Variants in RBFOX1 observed in about 807,000 individuals in gnomAD.
RBFOX1 encodes RNA binding protein fox-1 homolog 1.
RBFOX1 carries 8 observed loss-of-function variants against 57.7 expected under a neutral mutation model. That is an observed-to-expected ratio of 0.14 (90% confidence interval 0.08 to 0.25). RBFOX1 has a LOEUF of 0.25. Among genes scored for constraint, RBFOX1 ranks in the 10% least tolerant of loss-of-function variants. The pLI, the probability that RBFOX1 is intolerant of heterozygous loss-of-function variation, is 1.00. For missense variants in RBFOX1, 611 were observed against 548.5 expected (o/e 1.11, Z -1.14); for synonymous variants, 326 against 222.4 (o/e 1.47, Z -4.15).
At chr16:5,447,378 A>ATCTCTC (rs71142623) in intron 1 of RBFOX1, among the ~76,000 whole-genome samples, 5,214 of 134,372 alleles carry the variant, frequency 0.039, 197 homozygotes, top group Non-Finnish European at 0.041. Flanking sequence ...CAATCAATCA[A>ATCTCTC]TCTCTCTCTC....
chr16:7,209,641 T>G (rs1452970226), intron 4 of RBFOX1, among the ~76,000 whole-genome samples: 1 of 152,206 alleles, frequency 6.6e-6, no homozygotes, highest in Non-Finnish European at 1.5e-5. Context: ...TTTTTCCTTT[T>G]TGAGCACTTA....
At chr16:5,466,084 G>T (rs1184387443) in intron 1 of RBFOX1, among the ~76,000 whole-genome samples, 2 of 152,232 alleles carry the variant, frequency 1.3e-5, no homozygotes, top group African/African-American at 2.4e-5. Context: ...AAGAAAAAAG[G>T]GAGTTATGGT....
At chr16:5,457,538 G>A (rs1402697789) in intron 1 of RBFOX1, among the ~76,000 whole-genome samples, 1 of 152,166 alleles carries the variant, frequency 6.6e-6, no homozygotes, top group Non-Finnish European at 1.5e-5. Flanking sequence ...ATCACATTGA[G>A]GATTAGGGCT....
intron 9 of RBFOX1, among the ~76,000 whole-genome samples, chr16:7,606,593 C>A (rs1232341876): frequency 6.6e-6 from 1 of 152,118 alleles, no homozygotes; most frequent in Non-Finnish European, 1.5e-5. Context: ...GTAAAGATTT[C>A]TAAAGGGTCA....
rs911666172 is a variant in RBFOX1, at chr16:6,774,104, C to A, written c.-16+119454C>A. On this transcript the variant is annotated intron_variant, in intron 3 of 15. Transcript: ENST00000550418. ...TAGCTTTAAATTACCAAGAATTGGA[C>A]TTTTTGTAAAATACCAAGTTATCGG... 5.4e-6 allele frequency: 4 copies of A among 740,232 alleles called. No individual in the cohort carries two copies. The African/African-American group carries it at 5.7e-5, about 11-fold the overall frequency. 45.9% of individuals were successfully genotyped at this position (740,232 alleles called of 1,614,324 possible).
At chr16:5,478,151 T>A (rs1160625997) in intron 2 of RBFOX1, among the ~76,000 whole-genome samples, 1 of 152,144 alleles carries the variant, frequency 6.6e-6, no homozygotes, top group Non-Finnish European at 1.5e-5. Flanking sequence ...TGTTATGTCC[T>A]CCCTTGGGGC....
At chr16:5,952,210 G>A (rs1159507607) in intron 4 of RBFOX1, among the ~76,000 whole-genome samples, 1 of 151,538 alleles carries the variant, frequency 6.6e-6, no homozygotes, top group Non-Finnish European at 1.5e-5. Context: ...GAGTGCAGCA[G>A]TGTGACCTCG....
chr16:6,173,779 T>C (rs962116246), intron 1 of RBFOX1, among the ~76,000 whole-genome samples: 3 of 152,070 alleles, frequency 2.0e-5, no homozygotes, highest in Admixed American at 6.5e-5. Flanking sequence ...CCAGCTAATT[T>C]TTATATTTTC....
chr16:5,256,845 A>T (rs556395094), intron 1 of RBFOX1, among the ~76,000 whole-genome samples: 1 of 152,038 alleles, frequency 6.6e-6, no homozygotes, highest in Non-Finnish European at 1.5e-5. Flanking sequence ...GAGGCACAAG[A>T]ATCATTTGAG....
intron 5 of RBFOX1, among the ~76,000 whole-genome samples, chr16:7,568,486 C>A (rs2092377467): frequency 6.6e-6 from 1 of 151,970 alleles, no homozygotes; most frequent in African/African-American, 2.4e-5. Flanking sequence ...ACTTTCGTTG[C>A]CATCTTGGTT....
chr16:6,628,924 G>C (rs892208108), intron 2 of RBFOX1, among the ~76,000 whole-genome samples: 1 of 152,132 alleles, frequency 6.6e-6, no homozygotes, highest in African/African-American at 2.4e-5. Flanking sequence ...CAGCTACTAG[G>C]GAGGCTGAGA....
intron 4 of RBFOX1, among the ~76,000 whole-genome samples, chr16:5,999,019 A>C (rs980595960): frequency 5.3e-5 from 8 of 152,304 alleles, no homozygotes; most frequent in South Asian, 2.1e-4. Context: ...ATCCTGAATC[A>C]TCTGAACACT....
At chr16:7,708,202 G>A (rs2083130800) in intron 14 of RBFOX1, among the ~76,000 whole-genome samples, 1 of 151,928 alleles carries the variant, frequency 6.6e-6, no homozygotes. Flanking sequence ...GATCTGCCCT[G>A]TCTAGTTATG....
chr16:7,563,213 C>T (rs2090844269), intron 5 of RBFOX1, among the ~76,000 whole-genome samples: 1 of 152,166 alleles, frequency 6.6e-6, no homozygotes, highest in Non-Finnish European at 1.5e-5. Context: ...AAGTATTAAT[C>T]AGCCACTCTT....
intron 15 of RBFOX1, chr16:7,710,413 G>T: frequency 5.7e-6 from 8 of 1,392,022 alleles, no homozygotes; most frequent in Non-Finnish European, 6.5e-6. Flanking sequence ...GACAGAATTT[G>T]GTTTTGCAGG....
At position 7,047,420 on chromosome 16, in the gene RBFOX1, A is replaced by G. The variant is rs186187448; in HGVS notation, c.-15-4637A>G. Among the ~76,000 whole-genome samples the G allele has an allele frequency of 1.1e-3, 172 of 152,224 alleles. 1 individual carries two copies. The highest frequency in any genetic ancestry group is 2.0e-3 in the Non-Finnish European group (135 of 68,020). On this transcript the variant is annotated intron_variant, in intron 3 of 15. Coordinates refer to ENST00000550418, the MANE Select transcript of RBFOX1 (RefSeq NM_018723.4). ...TTAGTTTGGATTTTGTTTTAAATCC[A>G]TAGTTCTTTGAATTGTTGGGCCCTT...
At chr16:6,770,613 G>A (rs2078128674) in intron 3 of RBFOX1, among the ~76,000 whole-genome samples, 1 of 151,644 alleles carries the variant, frequency 6.6e-6, no homozygotes, top group African/African-American at 2.4e-5. Context: ...TTTTTAATGT[G>A]AGAAAAGAAA....
chr16:5,374,217 C>T (rs944521836), intron 1 of RBFOX1, among the ~76,000 whole-genome samples: 3 of 152,332 alleles, frequency 2.0e-5, no homozygotes, highest in African/African-American at 4.8e-5. Context: ...GAATTACAGG[C>T]GTGAGCCATT....
intron 3 of RBFOX1, among the ~76,000 whole-genome samples, chr16:6,952,014 A>G (rs1176165181): frequency 6.6e-6 from 1 of 152,210 alleles, no homozygotes; most frequent in East Asian, 1.9e-4. Flanking sequence ...ATTAACAGGA[A>G]AGATAATTGT....
Sources: gnomAD v4.1 joint callset for allele counts (sites outside exome capture counted in the v4.1 genomes callset) on GRCh38, gnomAD v4.1.1 for gene constraint, MANE v1.5 for transcripts, NCBI Gene and HGNC (gene_info 2026-07-23, HGNC 2026-07-21) for gene names.